Variants in GSTA1 observed in about 807,000 individuals in gnomAD.
GSTA1 encodes glutathione S-transferase A1.
In GSTA1, 23 loss-of-function variants were observed where a neutral mutation model predicts 21.5. The ratio of observed to expected loss-of-function variants is 1.07; its 90% confidence interval spans 0.77 to 1.52. The LOEUF (loss-of-function observed/expected upper bound fraction) is 1.52, where lower values mean the gene tolerates loss of function less well. Among genes scored for constraint, GSTA1 ranks in the 40% most tolerant of loss-of-function variants. GSTA1 has a pLI of 0.00. For missense variants in GSTA1, 301 were observed against 264.2 expected, an observed-to-expected ratio of 1.14 and a Z score of -0.96; for synonymous variants, 125 against 90.0, an observed-to-expected ratio of 1.39 and a Z score of -2.20.
In GSTA1 at chr6:52,791,617, A is replaced by G; in HGVS notation, c.*241T>C. Reference sequence around the variant, plus strand: ...TAGTTTCCTTTTTTACTGAATTTTTAATTCCAGGAAAATGGTTGGCTAGGA... The same window carrying G: ...TAGTTTCCTTTTTTACTGAATTTTTGATTCCAGGAAAATGGTTGGCTAGGA... On this transcript the variant is annotated 3_prime_UTR_variant, in exon 7 of 7. Coordinates refer to ENST00000334575, the MANE Select transcript of GSTA1 (RefSeq NM_145740.5). The G allele has an allele frequency of 2.3e-6, 1 of 437,082 alleles. No individual in the cohort carries two copies. The highest frequency in any genetic ancestry group is 3.9e-6 in the Non-Finnish European group (1 of 253,560). 27.1% of individuals were successfully genotyped at this position (437,082 alleles called of 1,614,324 possible).
intron 1 of GSTA1, among the ~76,000 whole-genome samples, chr6:52,802,689 G>A (rs952095497): frequency 2.6e-5 from 4 of 151,682 alleles, no homozygotes; most frequent in Admixed American, 6.6e-5. Flanking sequence ...TCTATCAATC[G>A]TTCTATGTAT....
chr6:52,802,916 G>A (rs1295774510), intron 1 of GSTA1, among the ~76,000 whole-genome samples: 2 of 152,044 alleles, frequency 1.3e-5, no homozygotes, highest in Non-Finnish European at 2.9e-5. Flanking sequence ...CAGTCCACCT[G>A]GATTAACAGG....
At chr6:52,799,815 T>G (rs1763671264) in intron 1 of GSTA1, among the ~76,000 whole-genome samples, 2 of 152,282 alleles carry the variant, frequency 1.3e-5, no homozygotes, top group African/African-American at 2.4e-5. Context: ...ATGAAGTCAC[T>G]CCTGGAAGCC....
Position 52,791,929 on chromosome 6 carries a change from G to T in GSTA1, c.598C>A (p.Pro200Thr), listed in dbSNP as rs1172738709. The T allele has an allele frequency of 6.2e-7, 1 of 1,613,858 alleles. No individual in the cohort carries two copies. The highest frequency in any genetic ancestry group is 1.3e-5 in the African/African-American group (1 of 74,912). The change falls in exon 7 of 7, where the codon CCT becomes ACT. Residue 200 changes from proline to threonine, a missense_variant. By Grantham distance (38) the Pro-to-Thr change is conservative. Transcript: ENST00000334575. Reference protein sequence around the residue: ...NLPTVKKFLQPGSPRKPPMDE... With the variant: ...NLPTVKKFLQTGSPRKPPMDE... ...ATGGGAGGCTTCCTTGGGCTGCCAG[G>T]CTGTAGAAACTTCTTCACTGTGGGC...
At chr6:52,796,788 C>G (rs550560825) in intron 3 of GSTA1, among the ~76,000 whole-genome samples, 1 of 151,510 alleles carries the variant, frequency 6.6e-6, no homozygotes, top group African/African-American at 2.4e-5. Flanking sequence ...AATGATCTAC[C>G]CACCTCAGCC....
intron 1 of GSTA1, among the ~76,000 whole-genome samples, chr6:52,803,570 T>G (rs186962619): frequency 4.5e-4 from 68 of 152,312 alleles, no homozygotes; most frequent in Admixed American, 2.4e-3. Flanking sequence ...AAGCCCTGGT[T>G]TTCTAAATTC....
At position 52,797,758 on chromosome 6, in the gene GSTA1, A is replaced by C. The variant is rs1763624326; in HGVS notation, c.88-121T>G. 4.7e-6 allele frequency: 4 copies of C among 844,400 alleles called. No individual in the cohort carries two copies. In the Admixed American group the frequency reaches 8.1e-5, roughly 17 times the overall value. The allele number at this position is 844,400 out of a possible 1,614,324, so 52.3% of individuals were successfully genotyped here. A position where few individuals can be genotyped will look rare whatever the true frequency, so the allele number is the denominator to read the frequency against. On this transcript the variant is annotated intron_variant, in intron 2 of 6. Transcript: ENST00000334575. Reference sequence around the variant, plus strand: ...AAGATTTCTGAGTTTGGCAGGGTACACAGAGGGGGCTGGTCATGGCCATTT... The same window carrying C: ...AAGATTTCTGAGTTTGGCAGGGTACCCAGAGGGGGCTGGTCATGGCCATTT...
intron 2 of GSTA1, 91 bp downstream of exon 2, chr6:52,799,090 T>C (rs1763650639): frequency 1.7e-6 from 2 of 1,193,598 alleles, no homozygotes; most frequent in Non-Finnish European, 2.5e-6. Flanking sequence ...GGCACAATGC[T>C]TCAGTAAGCA....
At position 52,799,214 on chromosome 6, in the gene GSTA1, G is replaced by C; in HGVS notation, c.54C>G (p.Ser18=). The stretch of plus-strand genomic sequence containing the variant: ...CAGCTGCAGCCAGGAGCCACCGGGT[G>C]GACTCCATTCTGCCCCGTGCATTGA... ...HYFNARGRME[S]TRWLLAAAGV... is the part of the protein sequence containing the mutation. Residue 18 remains serine (S), a synonymous_variant, in exon 2 of 7, where the codon TCC becomes TCG. Coordinates refer to ENST00000334575, the MANE Select transcript of GSTA1 (RefSeq NM_145740.5). 1 of 1,613,936 alleles carries C rather than the reference G, an allele frequency of 6.2e-7. No individual in the cohort carries two copies. The highest frequency in any genetic ancestry group is 8.5e-7 in the Non-Finnish European group (1 of 1,179,878).
chr6:52,797,534 G>A (rs373719651), intron 3 of GSTA1, 52 bp downstream of exon 3: 149 of 1,426,926 alleles, frequency 1.0e-4, no homozygotes, highest in African/African-American at 2.5e-4. Context: ...AAACCTCCCC[G>A]TGTACCTTCT....
At chr6:52,796,872 C>T (rs558023180) in intron 3 of GSTA1, among the ~76,000 whole-genome samples, 1 of 151,766 alleles carries the variant, frequency 6.6e-6, no homozygotes, top group East Asian at 1.9e-4. Flanking sequence ...TCCTGTAGTT[C>T]TTCTTTTTCT....
At chr6:52,797,754 G>T (rs374361872) in intron 2 of GSTA1, 117 bp from the exon 3 acceptor site, 22 of 868,902 alleles carry the variant, frequency 2.5e-5, no homozygotes, top group Non-Finnish European at 3.9e-5. Flanking sequence ...GTTTGGCAGG[G>T]TACACAGAGG....
intron 3 of GSTA1, among the ~76,000 whole-genome samples, chr6:52,796,637 A>G (rs983798003): frequency 6.9e-6 from 1 of 143,970 alleles, no homozygotes; most frequent in Non-Finnish European, 1.5e-5. Flanking sequence ...TCTGCCTCCC[A>G]GGTTCAAGTG....
intron 5 of GSTA1, 100 bp downstream of exon 5, chr6:52,794,025 C>T: frequency 7.0e-7 from 1 of 1,437,996 alleles, no homozygotes; most frequent in Non-Finnish European, 9.7e-7. Context: ...TTCAGGAAGT[C>T]TCACTGAAAG....
At chr6:52,797,928 C>T (rs1179278503) in intron 2 of GSTA1, among the ~76,000 whole-genome samples, 2 of 152,210 alleles carry the variant, frequency 1.3e-5, no homozygotes, top group Non-Finnish European at 2.9e-5. Flanking sequence ...AGAAAAGGCA[C>T]TGAGCAGTTC....
At chr6:52,796,479 A>G (rs1364481169) in intron 3 of GSTA1, among the ~76,000 whole-genome samples, 165 bp from the exon 4 acceptor site, 1 of 4,528 alleles carries the variant, frequency 2.2e-4, no homozygotes, top group African/African-American at 2.0e-3. Flanking sequence ...ATATATATAT[A>G]TATATATATA....
At chr6:52,794,390 T>C in intron 4 of GSTA1, 124 bp from the exon 5 acceptor site, 1 of 846,138 alleles carries the variant, frequency 1.2e-6, no homozygotes, top group East Asian at 2.5e-5. Context: ...GGGTGCCTTT[T>C]ATAGTCTAGT....
intron 1 of GSTA1, among the ~76,000 whole-genome samples, chr6:52,801,251 T>C (rs781575553): frequency 2.6e-5 from 4 of 152,222 alleles, no homozygotes; most frequent in Non-Finnish European, 5.9e-5. Flanking sequence ...ATGTCTCATT[T>C]TAAAATATGG....
chr6:52,801,415 G>A (rs1031535244), intron 1 of GSTA1, among the ~76,000 whole-genome samples: 2 of 152,164 alleles, frequency 1.3e-5, no homozygotes, highest in Admixed American at 1.3e-4. Context: ...AGCATAATTT[G>A]ACAGAGTGAA....
Sources: allele counts gnomAD v4.1 joint callset (sites outside exome capture counted in the v4.1 genomes callset), GRCh38; gene constraint gnomAD v4.1.1; transcripts MANE v1.5; gene names NCBI Gene and HGNC (gene_info 2026-07-23, HGNC 2026-07-21).